The following CCDC178 variants were observed in gnomAD, a reference collection of about 807,000 sequenced individuals.
CCDC178 encodes coiled-coil domain containing 178.
CCDC178 carries 126 observed loss-of-function variants against 117.4 expected under a neutral mutation model. The ratio of observed to expected loss-of-function variants is 1.07; its 90% CI spans 0.93 to 1.24. The LOEUF is 1.24. Among genes scored for constraint, CCDC178 ranks in the 50% most tolerant of loss-of-function variants. The pLI is 0.00. For missense variants in CCDC178, 1,030 were observed against 986.9 expected, an observed-to-expected ratio of 1.04 and a Z score of -0.59; for synonymous variants, 283 against 313.4, an observed-to-expected ratio of 0.90 and a Z score of 1.02.
intron 20 of CCDC178, among the ~76,000 whole-genome samples, chr18:33,150,008 A>G (rs977407056): frequency 2.6e-5 from 4 of 152,218 alleles, no homozygotes; most frequent in Non-Finnish European, 5.9e-5. Context: ...GGGCTATAGT[A>G]CCAAAACAGC....
At chr18:33,029,939 A>C (rs1387212248) in intron 21 of CCDC178, among the ~76,000 whole-genome samples, 3 of 151,960 alleles carry the variant, frequency 2.0e-5, no homozygotes, top group Non-Finnish European at 4.4e-5. Flanking sequence ...AGAAGAATAT[A>C]TATTCTGCTG....
At chr18:33,399,125 G>A (rs894894494) in intron 3 of CCDC178, among the ~76,000 whole-genome samples, 14 of 151,856 alleles carry the variant, frequency 9.2e-5, no homozygotes, top group East Asian at 3.9e-4. Context: ...GCTTGAACCC[G>A]CAAGGCGGAG....
At chr18:33,163,930 C>A (rs1044101025) in intron 20 of CCDC178, among the ~76,000 whole-genome samples, 1 of 152,030 alleles carries the variant, frequency 6.6e-6, no homozygotes, top group African/African-American at 2.4e-5. Context: ...AATATAGTAA[C>A]TTTATATCAG....
intron 15 of CCDC178, among the ~76,000 whole-genome samples, chr18:33,229,398 T>C (rs993260186): frequency 6.6e-6 from 1 of 152,312 alleles, no homozygotes; most frequent in Admixed American, 6.5e-5. Context: ...ATAAATGCCA[T>C]GTGTTCCCTC....
intron 21 of CCDC178, among the ~76,000 whole-genome samples, chr18:33,085,894 AATG>A (rs2057371005): frequency 6.6e-6 from 1 of 152,066 alleles, no homozygotes; most frequent in Non-Finnish European, 1.5e-5. Flanking sequence ...TATTTTAATA[AATG>A]ATTATAAGAT....
At chr18:33,233,233 T>C (rs2059387886) in intron 15 of CCDC178, among the ~76,000 whole-genome samples, 1 of 152,156 alleles carries the variant, frequency 6.6e-6, no homozygotes, top group African/African-American at 2.4e-5. Context: ...TTACAGATTA[T>C]GAATGTTAGG....
chr18:33,149,671 A>C (rs761547919), intron 20 of CCDC178, among the ~76,000 whole-genome samples: 1 of 152,094 alleles, frequency 6.6e-6, no homozygotes, highest in Non-Finnish European at 1.5e-5. Context: ...TCCCTCCTCC[A>C]CCCATTAATA....
chr18:33,380,849 T>C (rs1319646837), intron 5 of CCDC178, among the ~76,000 whole-genome samples: 2 of 152,196 alleles, frequency 1.3e-5, no homozygotes, highest in Non-Finnish European at 2.9e-5. Context: ...AAGCAACAAC[T>C]TTATTTGGTT....
intron 21 of CCDC178, among the ~76,000 whole-genome samples, chr18:33,068,697 A>T (rs1424929033): frequency 6.6e-6 from 1 of 152,158 alleles, no homozygotes; most frequent in East Asian, 1.9e-4. Context: ...TATATGACAA[A>T]CCTACATCTA....
chr18:33,224,802 G>A lies in CCDC178; in HGVS notation c.1791C>T (p.Ile597=), dbSNP rs779763134. ...LLQLEDEAER[I]RSLDKEHSVM... The stretch of plus-strand genomic sequence containing the variant: ...CAGAATGTTCTTTGTCGAGACTTCT[G>A]ATTCTTTCAGCTTCATCTTCTAGTT... Residue 597 remains isoleucine (I), a synonymous_variant, in exon 17 of 23, where the codon ATC becomes ATT. Coordinates refer to ENST00000383096, the MANE Select transcript of CCDC178 (RefSeq NM_001105528.4). 1 of 1,539,870 alleles carries A rather than the reference G, an allele frequency of 6.5e-7. No homozygotes were observed. The highest frequency in any genetic ancestry group is 1.3e-5 in the South Asian group (1 of 79,382).
At chr18:32,948,948 A>T (rs1275105782) in intron 22 of CCDC178, among the ~76,000 whole-genome samples, 1 of 151,970 alleles carries the variant, frequency 6.6e-6, no homozygotes, top group Admixed American at 6.6e-5. Context: ...GCTGGTGATG[A>T]CTATTTTCAA....
chr18:33,377,823 C>G (rs1386000370), intron 5 of CCDC178, among the ~76,000 whole-genome samples: 1 of 152,024 alleles, frequency 6.6e-6, no homozygotes, highest in Non-Finnish European at 1.5e-5. Flanking sequence ...ATTTTTGTAC[C>G]AGGACCATGC....
At chr18:32,999,644 G>A (rs1686141879) in intron 21 of CCDC178, among the ~76,000 whole-genome samples, 1 of 152,160 alleles carries the variant, frequency 6.6e-6, no homozygotes, top group Admixed American at 6.5e-5. Flanking sequence ...AGCACAGAGA[G>A]AGACTCCATT....
intron 15 of CCDC178, 108 bp downstream of exon 15, chr18:33,245,137 G>C: frequency 9.3e-7 from 1 of 1,072,610 alleles, no homozygotes; most frequent in Non-Finnish European, 1.2e-6. Context: ...TTTTTGAAAA[G>C]ACTGTTAATC....
chr18:33,309,630 A>G (rs1198883658), intron 11 of CCDC178, among the ~76,000 whole-genome samples: 1 of 152,166 alleles, frequency 6.6e-6, no homozygotes, highest in African/African-American at 2.4e-5. Context: ...AAAACAGTTC[A>G]TGATTTCTTT....
chr18:33,435,719 T>TATTTATTATTATAATACAATAA (rs1413410686), intron 2 of CCDC178, among the ~76,000 whole-genome samples: 2 of 150,702 alleles, frequency 1.3e-5, no homozygotes, highest in Middle Eastern at 3.5e-3. Flanking sequence ...ACAATAATAA[T>TATTTATTATTATAATACAATAA]TAAGCTACAA....
chr18:33,183,403 C>T (rs773360642), intron 20 of CCDC178, among the ~76,000 whole-genome samples: 4 of 151,980 alleles, frequency 2.6e-5, no homozygotes, highest in Non-Finnish European at 5.9e-5. Flanking sequence ...ATTAGATAAG[C>T]CATGTGAAAC....
At chr18:33,286,846 C>CT (rs1251521494) in intron 12 of CCDC178, among the ~76,000 whole-genome samples, 2 of 151,978 alleles carry the variant, frequency 1.3e-5, no homozygotes, top group Non-Finnish European at 2.9e-5. Flanking sequence ...ATATAAATGC[C>CT]TTTTTTATAT....
intron 14 of CCDC178, among the ~76,000 whole-genome samples, chr18:33,252,134 G>A (rs1328818106): frequency 2.0e-5 from 3 of 151,694 alleles, no homozygotes; most frequent in Admixed American, 6.6e-5. Flanking sequence ...AATTAAAATT[G>A]AGACCAGGAA....
Sources: gnomAD v4.1 joint callset for allele counts (sites outside exome capture counted in the v4.1 genomes callset) on GRCh38, gnomAD v4.1.1 for gene constraint, MANE v1.5 for transcripts, NCBI Gene and HGNC (gene_info 2026-07-23, HGNC 2026-07-21) for gene names.